CD99L2: variants seen among roughly 807,000 people sequenced by gnomAD.
CD99L2 encodes the protein CD99 antigen-like protein 2.
Under a neutral mutation model 27.3 loss-of-function variants are expected in CD99L2, and 24 were observed. That is an observed-to-expected ratio of 0.88 (90% CI 0.64 to 1.24). CD99L2 has a LOEUF of 1.24. Ranked by LOEUF, CD99L2 falls within the 50% of genes most tolerant of loss-of-function variation. The probability of loss-of-function intolerance (pLI) is 0.00; values close to 1 mark genes in which losing one functional copy is unlikely to be tolerated. For missense variants in CD99L2, 255 were observed against 221.6 expected (o/e 1.15, Z -0.96); for synonymous variants, 97 against 87.9 (o/e 1.10, Z -0.58).
intron 1 of CD99L2, among the ~76,000 whole-genome samples, chrX:150,885,436 T>C (rs2047393804): frequency 8.9e-6 from 1 of 112,090 alleles, no homozygotes; most frequent in Non-Finnish European, 1.9e-5. Context: ...TGTTTTTCTA[T>C]ATCTGTTATA....
rs931996492 is a variant in CD99L2, at chrX:150,879,473, C to G, written c.67+19049G>C. 2.7e-5 allele frequency among the ~76,000 whole-genome samples: 3 copies of G among 110,889 alleles called. No individual in the cohort carries two copies. In the Admixed American group the frequency reaches 2.9e-4, roughly 11 times the overall value. On this transcript the variant is annotated intron_variant, in intron 1 of 10. Transcript: ENST00000370377. ...TAAAGGAATGATATACCATGAAGTA[C>G]CTGGCAACAGATAAATCTAACAAGA...
chrX:150,852,679 T>C (rs1187421061), intron 1 of CD99L2, among the ~76,000 whole-genome samples: 6 of 110,482 alleles, frequency 5.4e-5, no homozygotes, highest in African/African-American at 2.0e-4. Context: ...ATTTGCCTGC[T>C]CTGGTCACCT....
intron 7 of CD99L2, among the ~76,000 whole-genome samples, chrX:150,791,488 T>G (rs2045686903): frequency 9.0e-6 from 1 of 110,883 alleles, no homozygotes; most frequent in Admixed American, 9.6e-5. Flanking sequence ...GGAAAGAATG[T>G]TAAGGAGAAG....
intron 2 of CD99L2, among the ~76,000 whole-genome samples, chrX:150,826,950 C>T (rs561453468): frequency 6.3e-5 from 7 of 111,166 alleles, no homozygotes; most frequent in East Asian, 2.8e-4. Context: ...TAATCTTGGG[C>T]GCTTGCTATC....
At chrX:150,877,914 G>C (rs934299108) in intron 1 of CD99L2, among the ~76,000 whole-genome samples, 1 of 108,614 alleles carries the variant, frequency 9.2e-6, no homozygotes, top group East Asian at 2.9e-4. Flanking sequence ...AAGAATGCTA[G>C]GCACTCCAGG....
intron 4 of CD99L2, among the ~76,000 whole-genome samples, chrX:150,799,647 G>C (rs984651152): frequency 3.9e-4 from 44 of 112,143 alleles, no homozygotes; most frequent in African/African-American, 1.4e-3. Context: ...CTAGTCATTA[G>C]GGATATGCAA....
chrX:150,849,716 G>A (rs948353129), intron 1 of CD99L2, among the ~76,000 whole-genome samples: 12 of 111,271 alleles, frequency 1.1e-4, no homozygotes, highest in African/African-American at 3.9e-4. Flanking sequence ...CACAGAATGA[G>A]CTAGCCCTTG....
chrX:150,873,689 C>T (rs188120066), intron 1 of CD99L2, among the ~76,000 whole-genome samples: 2 of 111,303 alleles, frequency 1.8e-5, no homozygotes, highest in Admixed American at 9.6e-5. Flanking sequence ...TGGAGTCTAC[C>T]ATCTAAAACT....
At chrX:150,770,164 A>C (rs1043267815) in intron 10 of CD99L2, 140 bp downstream of exon 10, 3 of 543,725 alleles carry the variant, frequency 5.5e-6, no homozygotes, top group Admixed American at 3.7e-5. Flanking sequence ...AGGCAGGCTC[A>C]TCAGGGCAGG....
chrX:150,848,115 C>A (rs1569566067), intron 1 of CD99L2, among the ~76,000 whole-genome samples: 1 of 106,931 alleles, frequency 9.4e-6, no homozygotes, highest in South Asian at 4.6e-4. Flanking sequence ...CTGCAGGCCC[C>A]CCCCCCCTTG....
intron 1 of CD99L2, among the ~76,000 whole-genome samples, chrX:150,861,141 C>CAAAAAAAAAAAAAAAAAAGAAAAAAAA (rs2046971692): frequency 2.4e-5 from 1 of 40,919 alleles, no homozygotes; most frequent in Non-Finnish European, 4.7e-5. Flanking sequence ...GACTCTGTCT[C>CAAAAAAAAAAAAAAAAAAGAAAAAAAA]AAAAAAAAAA....
chrX:150,892,184 G>C (rs782393993), intron 1 of CD99L2, among the ~76,000 whole-genome samples: 2 of 110,128 alleles, frequency 1.8e-5, no homozygotes, highest in Admixed American at 1.9e-4. Flanking sequence ...TCGCGCCATT[G>C]CACTCCAGCC....
chrX:150,793,682 T>C lies in CD99L2; in HGVS notation c.496+9A>G, dbSNP rs1477087037. On this transcript the variant is annotated intron_variant, in intron 7 of 10. Transcript: ENST00000370377. ...TAAGGGTTGTGTTGGCACAAATCAA[T>C]GCTCCTACCTTTACCCTTGTCAGGT... 4 of 1,176,230 alleles carry C rather than the reference T, an allele frequency of 3.4e-6. No individual in the cohort carries two copies. The highest frequency in any genetic ancestry group is 4.6e-6 in the Non-Finnish European group (4 of 878,666).
intron 7 of CD99L2, among the ~76,000 whole-genome samples, chrX:150,781,324 G>A (rs142194416): frequency 1.4e-4 from 16 of 111,606 alleles, no homozygotes; most frequent in East Asian, 1.1e-3. Context: ...AAAGTACTCC[G>A]AGCACGCAGT....
intron 9 of CD99L2, among the ~76,000 whole-genome samples, chrX:150,771,332 G>A (rs781817130): frequency 3.2e-4 from 36 of 112,970 alleles, no homozygotes; most frequent in South Asian, 2.9e-3. Context: ...AAATGCGGGC[G>A]TTGCTCTTTG....
chrX:150,882,814 T>C (rs2047351516), intron 1 of CD99L2, among the ~76,000 whole-genome samples: 1 of 112,388 alleles, frequency 8.9e-6, no homozygotes, highest in African/African-American at 3.2e-5. Flanking sequence ...CTAAAATGGT[T>C]GATTCTAAAA....
rs191287530 is a variant in CD99L2, at chrX:150,850,477, G to A, written c.68-19184C>T. Among the ~76,000 whole-genome samples, 9 of 111,774 alleles carry A rather than the reference G, an allele frequency of 8.1e-5. No individual in the cohort carries two copies. The East Asian group carries it at 1.1e-3, about 14-fold the overall frequency. ...CTACCTAGAACATGTAGGCACCAGC[G>A]GACGTGCACATAGAAACAAATATTA... is the stretch of plus-strand genomic sequence containing the variant. On this transcript the variant is annotated intron_variant, in intron 1 of 10. Transcript: ENST00000370377.
At chrX:150,856,851 C>G (rs1557421765) in intron 1 of CD99L2, among the ~76,000 whole-genome samples, 1 of 109,767 alleles carries the variant, frequency 9.1e-6, no homozygotes, top group Non-Finnish European at 1.9e-5. Flanking sequence ...TTCCAAAAAT[C>G]AAAACAAAGA....
At chrX:150,889,088 T>G (rs113023885) in intron 1 of CD99L2, among the ~76,000 whole-genome samples, 2,469 of 112,787 alleles carry the variant, frequency 0.022, 63 homozygotes, top group African/African-American at 0.075. Context: ...GGAATCCTTG[T>G]GTGTCTTTTA....
Sources: gnomAD v4.1 joint callset for allele counts (sites outside exome capture counted in the v4.1 genomes callset) on GRCh38, gnomAD v4.1.1 for gene constraint, MANE v1.5 for transcripts, NCBI Gene and HGNC (gene_info 2026-07-23, HGNC 2026-07-21) for gene names.